The following RAD51B variants were observed in gnomAD, a reference collection of about 807,000 sequenced individuals.
RAD51B encodes DNA repair protein RAD51 homolog 2.
Under a neutral mutation model 42.2 loss-of-function variants are expected in RAD51B, and 38 were observed. That is an observed-to-expected ratio of 0.90 (90% CI 0.70 to 1.18). The LOEUF is 1.18. Ranked by LOEUF, RAD51B falls within the 50% of genes most tolerant of loss-of-function variation. The pLI is 0.00. For missense variants in RAD51B, 373 were observed against 400.7 expected (o/e 0.93, Z 0.59); for synonymous variants, 154 against 145.2 (o/e 1.06, Z -0.43).
intron 10 of RAD51B, among the ~76,000 whole-genome samples, chr14:68,489,017 A>C (rs2140277697): frequency 6.6e-6 from 1 of 152,132 alleles, no homozygotes; most frequent in South Asian, 2.1e-4. Flanking sequence ...GCAATGGCGC[A>C]ATCTCAGCTC....
chr14:68,458,601 G>A (rs1055229949), intron 9 of RAD51B, among the ~76,000 whole-genome samples: 1 of 151,526 alleles, frequency 6.6e-6, no homozygotes, highest in Non-Finnish European at 1.5e-5. Context: ...GATATTCTAT[G>A]AGGAAATAGG....
intron 11 of RAD51B, among the ~76,000 whole-genome samples, chr14:68,666,676 T>C (rs1893038632): frequency 6.6e-6 from 1 of 152,244 alleles, no homozygotes; most frequent in Non-Finnish European, 1.5e-5. Context: ...TAGTAATAAG[T>C]ATTACTGCTA....
intron 10 of RAD51B, chr14:68,540,235 C>A: frequency 5.3e-6 from 5 of 947,400 alleles, no homozygotes; most frequent in Non-Finnish European, 6.2e-6. Context: ...TCGAGGCAAA[C>A]ATAGGATCGT....
At chr14:68,232,753 A>G (rs2080172485) in intron 7 of RAD51B, among the ~76,000 whole-genome samples, 1 of 152,208 alleles carries the variant, frequency 6.6e-6, no homozygotes, top group Non-Finnish European at 1.5e-5. Flanking sequence ...AATGTTTTCA[A>G]CCATGGAAAT....
chr14:68,593,669 A>G (rs564134243), intron 10 of RAD51B, among the ~76,000 whole-genome samples: 48 of 152,302 alleles, frequency 3.2e-4, no homozygotes, highest in Admixed American at 5.9e-4. Flanking sequence ...GGAATGTATC[A>G]GGGCTGGCAT....
At chr14:68,437,922 G>T (rs1192314904) in intron 9 of RAD51B, among the ~76,000 whole-genome samples, 1 of 152,108 alleles carries the variant, frequency 6.6e-6, no homozygotes, top group Non-Finnish European at 1.5e-5. Context: ...AGATGAAGTA[G>T]GAGACTGAGG....
chr14:68,564,300 C>T (rs1434698122), intron 10 of RAD51B, among the ~76,000 whole-genome samples: 1 of 152,224 alleles, frequency 6.6e-6, no homozygotes, highest in South Asian at 2.1e-4. Flanking sequence ...CAACAGTCTC[C>T]GTCTCCTTTG....
At chr14:67,890,904 G>C (rs2043200080) in intron 7 of RAD51B, among the ~76,000 whole-genome samples, 1 of 151,870 alleles carries the variant, frequency 6.6e-6, no homozygotes, top group Non-Finnish European at 1.5e-5. Context: ...TGCCATCTTA[G>C]TTGTATTCTT....
At chr14:68,189,011 A>C (rs910819397) in intron 7 of RAD51B, among the ~76,000 whole-genome samples, 6 of 151,878 alleles carry the variant, frequency 4.0e-5, no homozygotes, top group Non-Finnish European at 7.4e-5. Context: ...CTTGTTCTCT[A>C]CTTCTATTGT....
intron 7 of RAD51B, among the ~76,000 whole-genome samples, chr14:68,205,743 C>G (rs1170704741): frequency 6.6e-6 from 1 of 151,932 alleles, no homozygotes; most frequent in Non-Finnish European, 1.5e-5. Flanking sequence ...TTATAATTTA[C>G]TCGATCTACA....
intron 4 of RAD51B, among the ~76,000 whole-genome samples, chr14:67,841,493 A>G (rs946581427): frequency 6.6e-6 from 1 of 152,116 alleles, no homozygotes; most frequent in Admixed American, 6.6e-5. Flanking sequence ...GTTCTTTGCC[A>G]AGGCTGATGT....
intron 7 of RAD51B, among the ~76,000 whole-genome samples, chr14:67,960,068 G>C (rs974560292): frequency 4.7e-5 from 7 of 148,612 alleles, no homozygotes; most frequent in African/African-American, 7.6e-5. Context: ...CTGGGCAACA[G>C]AGCAAGACTC....
At chr14:68,669,962 C>A (rs1893119131) in intron 11 of RAD51B, among the ~76,000 whole-genome samples, 1 of 152,102 alleles carries the variant, frequency 6.6e-6, no homozygotes, top group Non-Finnish European at 1.5e-5. Flanking sequence ...GGGACCAGGC[C>A]CTGGTGGGGG....
intron 7 of RAD51B, among the ~76,000 whole-genome samples, chr14:68,001,836 T>A (rs2075490423): frequency 6.6e-6 from 1 of 152,228 alleles, no homozygotes; most frequent in South Asian, 2.1e-4. Context: ...CCGAGGATAA[T>A]GGCCTCCAGT....
At chr14:68,117,732 C>G (rs1595422895) in intron 7 of RAD51B, among the ~76,000 whole-genome samples, 1 of 152,238 alleles carries the variant, frequency 6.6e-6, no homozygotes. Context: ...CTTTAACACC[C>G]TGAGGTGTGA....
rs562853917 is a variant in RAD51B, at chr14:67,893,557, G to A, written c.756+6353G>A. On this transcript the variant is annotated intron_variant, in intron 7 of 10. Coordinates refer to ENST00000471583, the MANE Select transcript of RAD51B (RefSeq NM_133510.4). ...GTGGTGCTACACACCTGTAGTCACA[G>A]CTACTTGGGAGGCTGGGGCGGGAGG... Among the ~76,000 whole-genome samples the A allele has an allele frequency of 7.3e-5, 11 of 150,888 alleles. No individual in the cohort carries two copies. In the South Asian group the frequency reaches 2.3e-3, roughly 32 times the overall value.
Position 67,933,701 on chromosome 14 carries a change from G to A in RAD51B, c.756+46497G>A, listed in dbSNP as rs146968197. Among the ~76,000 whole-genome samples, 21 of 152,240 alleles carry A rather than the reference G, an allele frequency of 1.4e-4. No individual in the cohort carries two copies. In the East Asian group the frequency reaches 4.0e-3, roughly 29 times the overall value. ...CTTCTTTGCCTCAGGTGTTTCCTGT[G>A]ACTAGATCCTGTTGGACACTAGTGT... On this transcript the variant is annotated intron_variant, in intron 7 of 10. Transcript: ENST00000471583.
intron 8 of RAD51B, among the ~76,000 whole-genome samples, chr14:68,324,115 T>A (rs1251987794): frequency 5.3e-5 from 8 of 151,948 alleles, no homozygotes; most frequent in Admixed American, 3.3e-4. Context: ...ATGCTATAAT[T>A]TATTTTATAA....
At chr14:67,840,341 T>G (rs1218134322) in intron 4 of RAD51B, among the ~76,000 whole-genome samples, 1 of 152,198 alleles carries the variant, frequency 6.6e-6, no homozygotes, top group African/African-American at 2.4e-5. Flanking sequence ...TGTCCATGTA[T>G]ACCCAATGTT....
Sources: allele counts gnomAD v4.1 joint callset (sites outside exome capture counted in the v4.1 genomes callset), GRCh38; gene constraint gnomAD v4.1.1; transcripts MANE v1.5; gene names NCBI Gene and HGNC (gene_info 2026-07-23, HGNC 2026-07-21).